Variants in NDRG2 observed in about 807,000 individuals in gnomAD.
NDRG2 encodes protein NDRG2.
Under a neutral mutation model 58.2 loss-of-function variants are expected in NDRG2, and 34 were observed. The ratio of observed to expected loss-of-function variants is 0.58; its 90% CI spans 0.44 to 0.78. The LOEUF is 0.78. Among genes scored for constraint, NDRG2 ranks in the 30% least tolerant of loss-of-function variants. NDRG2 has a pLI of 0.00. For missense variants in NDRG2, 434 were observed against 471.2 expected (o/e 0.92, Z 0.73); for synonymous variants, 187 against 175.9 (o/e 1.06, Z -0.50).
rs201222337 is a variant in NDRG2 at position 21,043,342 on chromosome 14, C to T, written c.25-20021G>A. On this transcript the variant is annotated intron_variant, in intron 1 of 14. Transcript: ENST00000403829. ...TGTAAGCTCACCTCAGGGAAGCATC[C>T]GAACTGCAGGTACAAAGAGAAGCGA... 102 of 1,614,146 alleles carry T rather than the reference C, an allele frequency of 6.3e-5. No homozygotes were observed. In the Admixed American group the frequency reaches 9.8e-4, roughly 16 times the overall value.
intron 11 of NDRG2, 132 bp from the exon 12 acceptor site, chr14:21,018,946 A>T: frequency 1.5e-6 from 2 of 1,311,370 alleles, no homozygotes; most frequent in South Asian, 1.3e-5. Context: ...TGCTGATGCC[A>T]CCAAGAGGAT....
chr14:21,051,343 T>C (rs1014224390), intron 1 of NDRG2, among the ~76,000 whole-genome samples: 16 of 152,286 alleles, frequency 1.1e-4, no homozygotes, highest in African/African-American at 3.9e-4. Flanking sequence ...AAAGCCTCAG[T>C]AAATGTTAAC....
upstream of NDRG2, chr14:21,029,021 C>A (rs1396828991): frequency 2.6e-5 from 4 of 152,200 alleles, no homozygotes; most frequent in African/African-American, 9.7e-5. Context: ...ACATCTTTGA[C>A]CTGCATAGAA....
chr14:21,022,224 G>A (rs1262183283), intron 4 of NDRG2, 42 bp from the exon 5 acceptor site: 1 of 1,613,806 alleles, frequency 6.2e-7, no homozygotes. Flanking sequence ...AATCAGACAG[G>A]GACTCGTGTC....
chr14:21,020,262 C>G, intron 8 of NDRG2: 1 of 549,268 alleles, frequency 1.8e-6, no homozygotes. Context: ...CCACTGCACT[C>G]CAGCCTTGGC....
Position 21,019,950 on chromosome 14 carries a change from C to T in NDRG2, c.582G>A (p.Pro194=), listed in dbSNP as rs928843315. 7.4e-6 allele frequency: 12 copies of T among 1,613,802 alleles called. No homozygotes were observed. The highest frequency in any genetic ancestry group is 2.2e-5 in the East Asian group (1 of 44,890). Residue 194 remains proline (P), a synonymous_variant, in exon 9 of 16, where the codon CCG becomes CCA. Coordinates refer to ENST00000556147, the MANE Select transcript of NDRG2 (RefSeq NM_001320329.2). ...HKLTGLTSSI[P]EMILGHLFSQ... is the part of the protein sequence containing the mutation. ...TGAAAAGATGTCCAAGGATCATCTC[C>T]GGAATGGAAGAGGTGAGGCCTGTTA...
At chr14:21,054,641 A>G (rs1885599365) in intron 1 of NDRG2, among the ~76,000 whole-genome samples, 1 of 152,218 alleles carries the variant, frequency 6.6e-6, no homozygotes, top group Non-Finnish European at 1.5e-5. Context: ...TGTGGCAAGG[A>G]AAGATAACAT....
intron 1 of NDRG2, chr14:21,058,540 G>T: frequency 1.7e-6 from 1 of 589,662 alleles, no homozygotes; most frequent in Non-Finnish European, 3.0e-6. Flanking sequence ...AAAGAAGAGG[G>T]CAGATTCTCT....
intron 1 of NDRG2, among the ~76,000 whole-genome samples, chr14:21,064,462 C>T (rs545266420): frequency 3.0e-4 from 45 of 152,232 alleles, no homozygotes; most frequent in Non-Finnish European, 5.9e-4. Flanking sequence ...CTGCCACACC[C>T]AGCTAATTTT....
At chr14:21,032,002 G>T (rs201065546) in intron 1 of NDRG2, 65 of 1,614,052 alleles carry the variant, frequency 4.0e-5, no homozygotes, top group Middle Eastern at 3.3e-4. Context: ...TTGCGGGACG[G>T]GAAGAGATGA....
chr14:21,059,689 A>G (rs1214166284), intron 1 of NDRG2, among the ~76,000 whole-genome samples: 1 of 152,046 alleles, frequency 6.6e-6, no homozygotes, highest in African/African-American at 2.4e-5. Context: ...TTGTAGAGAC[A>G]GGGTTTCACC....
chr14:21,019,700 T>G lies in NDRG2; in HGVS notation c.655A>C (p.Asn219His), dbSNP rs1466516055. ...GNSELIQKYRNIITHAPNLDN... is the reference protein window; with the variant it reads ...GNSELIQKYRHIITHAPNLDN... ...AGGTTGGGTGCATGTGTAATGATAT[T>G]TCTGTACTTTTGTATCAACTCAGAA... The change falls in exon 10 of 16, where the codon AAT becomes CAT. Residue 219 changes from asparagine (N) to histidine (H), a missense_variant. Physicochemically the swap from Asn to His is moderately conservative, Grantham distance 68. Coordinates refer to ENST00000556147, the MANE Select transcript of NDRG2 (RefSeq NM_001320329.2). 6 of 1,613,850 alleles carry G rather than the reference T, an allele frequency of 3.7e-6. No homozygotes were observed. The highest frequency in any genetic ancestry group is 5.1e-6 in the Non-Finnish European group (6 of 1,179,816).
intron 10 of NDRG2, among the ~76,000 whole-genome samples, chr14:21,019,435 G>A (rs1034360781): frequency 3.3e-5 from 5 of 152,312 alleles, no homozygotes; most frequent in Non-Finnish European, 7.3e-5. Flanking sequence ...TAATCCAAAG[G>A]AGGTAAACAA....
At chr14:21,041,315 G>T (rs1347111285) in intron 1 of NDRG2, among the ~76,000 whole-genome samples, 1 of 152,148 alleles carries the variant, frequency 6.6e-6, no homozygotes, top group African/African-American at 2.4e-5. Context: ...TTTTTGTTCA[G>T]TGATATATCC....
At chr14:21,054,362 A>G (rs959133237) in intron 1 of NDRG2, among the ~76,000 whole-genome samples, 3 of 148,168 alleles carry the variant, frequency 2.0e-5, no homozygotes, top group African/African-American at 7.4e-5. Context: ...ACACACACAC[A>G]CTGCTGAGTT....
At chr14:21,027,692 ACACT>A (rs1202147603), upstream of NDRG2, among the ~76,000 whole-genome samples, 1 of 152,234 alleles carries the variant, frequency 6.6e-6, no homozygotes, top group Non-Finnish European at 1.5e-5. Context: ...TACTCAGTTC[ACACT>A]CACTCTTTAT....
At chr14:21,020,985 C>A (rs547517592) in intron 6 of NDRG2, 141 bp from the exon 7 acceptor site, 1 of 966,332 alleles carries the variant, frequency 1.0e-6, no homozygotes, top group Middle Eastern at 2.1e-4. Context: ...TTGGAGGACG[C>A]GAAAAAGAAG....
rs1463219033 is a variant in NDRG2 at position 21,017,564 on chromosome 14, G to C, written c.*32C>G. On this transcript the variant is annotated 3_prime_UTR_variant, in exon 16 of 16. Coordinates refer to ENST00000556147, the MANE Select transcript of NDRG2 (RefSeq NM_001320329.2). ...CAGGTTAGCTCTGGGGGAGGTGAGG[G>C]CTGGGTCCCACTCTAGGGCAACAAG... 19 of 1,602,216 alleles carry C rather than the reference G, an allele frequency of 1.2e-5. No individual in the cohort carries two copies. The highest frequency in any genetic ancestry group is 1.1e-4 in the African/African-American group (8 of 74,834).
rs1243449 is a variant in NDRG2, at chr14:21,021,966, A to C, written c.345-87T>G. ...TGTCCTACTCATTCTCTCCCAGAAT[A>C]ACCACTGCCCTCCCTTTCCTCCTCC... On this transcript the variant is annotated intron_variant, in intron 5 of 15. Transcript: ENST00000556147. 1,584,269 of 1,611,674 alleles carry C rather than the reference A, an allele frequency of 0.98. 778,718 individuals are homozygous for C. Among genetic ancestry groups the C allele is most frequent in the East Asian group, 1 (44,818 of 44,820 alleles).
Sources: allele counts gnomAD v4.1 joint callset (sites outside exome capture counted in the v4.1 genomes callset), GRCh38; gene constraint gnomAD v4.1.1; transcripts MANE v1.5; gene names NCBI Gene and HGNC (gene_info 2026-07-23, HGNC 2026-07-21).